The following PIGU variants were observed in gnomAD, a reference collection of about 807,000 sequenced individuals.
The protein encoded by PIGU is GPI-anchor transamidase component PIGU.
In PIGU, 24 loss-of-function variants were observed where a neutral mutation model predicts 49.9. The ratio of observed to expected loss-of-function variants is 0.48; its 90% CI spans 0.35 to 0.68. The LOEUF (loss-of-function observed/expected upper bound fraction) is 0.68, where lower values mean the gene tolerates loss of function less well. Among genes scored for constraint, PIGU ranks in the 30% least tolerant of loss-of-function variants. PIGU has a pLI of 0.01. For synonymous variants in PIGU, 220 were observed against 205.7 expected, an observed-to-expected ratio of 1.07 and a Z score of -0.59; for missense variants, 490 against 532.6, an observed-to-expected ratio of 0.92 and a Z score of 0.79.
chr20:34,624,349 G>A (rs1985371267), intron 6 of PIGU, among the ~76,000 whole-genome samples: 1 of 152,178 alleles, frequency 6.6e-6, no homozygotes, highest in Non-Finnish European at 1.5e-5. Context: ...ATTGTTAAGT[G>A]ACTTGCCCAA....
At chr20:34,675,491 ATCTT>A (rs1987470961) in intron 1 of PIGU, among the ~76,000 whole-genome samples, 1 of 152,172 alleles carries the variant, frequency 6.6e-6, no homozygotes, top group Admixed American at 6.6e-5. Flanking sequence ...AATTATTACT[ATCTT>A]TATTACCATT....
At chr20:34,566,497 A>T (rs1982773516) in intron 11 of PIGU, among the ~76,000 whole-genome samples, 1 of 152,242 alleles carries the variant, frequency 6.6e-6, no homozygotes. Context: ...AGGGACAGAC[A>T]GGATGAATCA....
intron 7 of PIGU, among the ~76,000 whole-genome samples, chr20:34,589,881 C>T (rs1203181944): frequency 6.6e-6 from 1 of 151,730 alleles, no homozygotes; most frequent in African/African-American, 2.4e-5. Context: ...GTCTCAAACT[C>T]CCGACCTCAG....
At chr20:34,642,689 A>C (rs1204595987) in intron 4 of PIGU, among the ~76,000 whole-genome samples, 1 of 117,706 alleles carries the variant, frequency 8.5e-6, no homozygotes. Flanking sequence ...ACACACACAT[A>C]TCTCATATAT....
At chr20:34,587,630 T>G (rs1232190248) in intron 8 of PIGU, among the ~76,000 whole-genome samples, 1 of 152,200 alleles carries the variant, frequency 6.6e-6, no homozygotes, top group African/African-American at 2.4e-5. Context: ...TTGTACCCCT[T>G]TGACCATTAT....
chr20:34,575,114 T>A lies in PIGU; in HGVS notation c.1184A>T (p.Asn395Ile). The A allele has an allele frequency of 1.2e-6, 2 of 1,614,052 alleles. No homozygotes were observed. Among genetic ancestry groups the A allele is most frequent in the Non-Finnish European group, 1.7e-6 (2 of 1,179,964 alleles). The change falls in exon 11 of 12, where the codon AAC becomes ATC. Residue 395 changes from asparagine (N) to isoleucine (I), a missense_variant. By Grantham distance (149) the Asn-to-Ile change is moderately radical. Transcript: ENST00000217446. ...NFFYAITLTF[N>I]VGQILLISDY... ...TGCTGTCCCTCTTACCTGCCCAACG[T>A]TGAAGGTCAGTGTGATGGCATAAAA...
chr20:34,576,317 C>T (rs1360760016), intron 10 of PIGU, among the ~76,000 whole-genome samples: 1 of 152,192 alleles, frequency 6.6e-6, no homozygotes, highest in African/African-American at 2.4e-5. Context: ...AAAAATGACA[C>T]AGATATATCA....
intron 7 of PIGU, among the ~76,000 whole-genome samples, chr20:34,609,702 A>T (rs1293464753): frequency 6.6e-6 from 1 of 152,106 alleles, no homozygotes; most frequent in Non-Finnish European, 1.5e-5. Flanking sequence ...TGTTTCCTGG[A>T]TGTGACTACA....
chr20:34,670,601 G>T (rs1230758611), intron 1 of PIGU, among the ~76,000 whole-genome samples: 1 of 151,674 alleles, frequency 6.6e-6, no homozygotes, highest in Non-Finnish European at 1.5e-5. Flanking sequence ...GTGCAGTGGT[G>T]CAATCTTGGC....
intron 7 of PIGU, among the ~76,000 whole-genome samples, chr20:34,614,266 C>G (rs910892449): frequency 2.0e-5 from 3 of 151,536 alleles, no homozygotes; most frequent in Non-Finnish European, 4.4e-5. Flanking sequence ...CACTGCACAT[C>G]CCATCCTGGG....
intron 2 of PIGU, among the ~76,000 whole-genome samples, chr20:34,652,851 AGCCTT>A: frequency 6.6e-6 from 1 of 152,072 alleles, no homozygotes; most frequent in Admixed American, 6.6e-5. Context: ...AAACTTACTG[AGCCTT>A]GTTTTATAGA....
At chr20:34,667,656 C>T (rs1193864864) in intron 1 of PIGU, among the ~76,000 whole-genome samples, 1 of 152,110 alleles carries the variant, frequency 6.6e-6, no homozygotes, top group African/African-American at 2.4e-5. Context: ...GAAATGACAA[C>T]TCTTCCTTAC....
At chr20:34,608,724 G>A (rs998490537) in intron 7 of PIGU, among the ~76,000 whole-genome samples, 1 of 152,090 alleles carries the variant, frequency 6.6e-6, no homozygotes, top group African/African-American at 2.4e-5. Context: ...TTCTGAAGCC[G>A]ATCAGGGTAC....
intron 7 of PIGU, among the ~76,000 whole-genome samples, chr20:34,595,668 A>G (rs1008932559): frequency 5.3e-5 from 8 of 152,232 alleles, no homozygotes; most frequent in Non-Finnish European, 1.0e-4. Flanking sequence ...CCTCAAATAA[A>G]CAATTAAAAT....
intron 6 of PIGU, among the ~76,000 whole-genome samples, chr20:34,631,350 C>T (rs1287620710): frequency 1.3e-5 from 2 of 151,774 alleles, no homozygotes; most frequent in African/African-American, 2.4e-5. Context: ...ATCCAATAAA[C>T]ATCCAAAACA....
intron 8 of PIGU, 130 bp from the exon 9 acceptor site, chr20:34,585,710 G>A (rs1983673288): frequency 3.1e-6 from 3 of 952,578 alleles, no homozygotes; most frequent in Non-Finnish European, 4.7e-6. Flanking sequence ...AGAGAGATCA[G>A]GATGGGAAGG....
At chr20:34,633,669 A>C (rs1047220565) in intron 6 of PIGU, among the ~76,000 whole-genome samples, 1 of 151,522 alleles carries the variant, frequency 6.6e-6, no homozygotes, top group Non-Finnish European at 1.5e-5. Flanking sequence ...CCTGGCTCAA[A>C]CCATTCCCCT....
chr20:34,661,582 G>C (rs1336477025), intron 1 of PIGU, among the ~76,000 whole-genome samples: 1 of 151,416 alleles, frequency 6.6e-6, no homozygotes, highest in East Asian at 1.9e-4. Context: ...GTGTTCCATG[G>C]TGTATATGTA....
intron 4 of PIGU, among the ~76,000 whole-genome samples, chr20:34,643,237 TAC>T (rs1246449125): frequency 1.3e-5 from 2 of 151,948 alleles, no homozygotes; most frequent in Non-Finnish European, 2.9e-5. Flanking sequence ...AACAATGATA[TAC>T]ACACACACAC....
Sources: allele counts gnomAD v4.1 joint callset (sites outside exome capture counted in the v4.1 genomes callset), GRCh38; gene constraint gnomAD v4.1.1; transcripts MANE v1.5; gene names NCBI Gene and HGNC (gene_info 2026-07-23, HGNC 2026-07-21).